SLCO1A2: variants seen among roughly 807,000 people sequenced by gnomAD.
The protein encoded by SLCO1A2 is OATP-1.
SLCO1A2 carries 67 observed loss-of-function variants against 69.0 expected under a neutral mutation model. The observed-to-expected ratio is 0.97, with a 90% CI of 0.80 to 1.19. The LOEUF (loss-of-function observed/expected upper bound fraction) is 1.19. Among genes scored for constraint, SLCO1A2 ranks in the 50% most tolerant of loss-of-function variants. The pLI, the probability that SLCO1A2 is intolerant of heterozygous loss-of-function variation, is 0.00. For missense variants in SLCO1A2, 787 were observed against 793.7 expected (o/e 0.99, Z 0.10); for synonymous variants, 260 against 265.9 (o/e 0.98, Z 0.22).
intron 1 of SLCO1A2, among the ~76,000 whole-genome samples, chr12:21,413,556 G>A (rs890051050): frequency 2.0e-5 from 3 of 152,082 alleles, no homozygotes; most frequent in African/African-American, 7.2e-5. Flanking sequence ...CTGCATGACA[G>A]TCACACAGAC....
chr12:21,295,609 G>A lies in SLCO1A2; in HGVS notation c.1259C>T (p.Thr420Ile). 6.4e-7 allele frequency: 1 copy of A among 1,572,380 alleles called. No individual in the cohort carries two copies. Among genetic ancestry groups the A allele is most frequent in the Non-Finnish European group, 8.7e-7 (1 of 1,143,138 alleles). The change falls in exon 10 of 15, where the codon ACC becomes ATC. Residue 420 changes from threonine (T) to isoleucine (I), a missense_variant. Physicochemically the swap from Thr to Ile is moderately conservative, Grantham distance 89. Transcript: ENST00000683939. ...CENSSVVGIN[T>I]SYEGIPQDLY... ...GAAAACAACATACCCTTCATAAGAG[G>A]TATTTATTCCAACAACTGAAGAATT...
At chr12:21,405,118 G>A (rs1941801899) in intron 1 of SLCO1A2, among the ~76,000 whole-genome samples, 1 of 151,136 alleles carries the variant, frequency 6.6e-6, no homozygotes, top group South Asian at 2.1e-4. Flanking sequence ...GTAGAGTCTG[G>A]ATATTAGACC....
At chr12:21,354,976 G>A in intron 2 of SLCO1A2, 1 of 151,980 alleles carries the variant, frequency 6.6e-6, no homozygotes. Context: ...CACATCTCCA[G>A]GTCAGACCTA....
At position 21,395,167 on chromosome 12, in the gene SLCO1A2, C is replaced by T. The variant is rs545694148; in HGVS notation, c.-451G>A. On this transcript the variant is annotated 5_prime_UTR_variant, in exon 1 of 16. Coordinates refer to the SLCO1A2 transcript ENST00000307378. ...ATGGGCGCAGGTCAGTGGGTGCGCG[C>T]ACCGTGCGCAAGCCAAAGCAGGGTG... 219 of 154,898 alleles carry T rather than the reference C, an allele frequency of 1.4e-3. 1 individual carries two copies. Among genetic ancestry groups the T allele is most frequent in the Non-Finnish European group, 2.7e-3 (189 of 70,312 alleles). 9.6% of individuals were successfully genotyped at this position (154,898 alleles called of 1,614,324 possible).
At chr12:21,409,773 G>A (rs1178698059) in intron 1 of SLCO1A2, among the ~76,000 whole-genome samples, 1 of 152,148 alleles carries the variant, frequency 6.6e-6, no homozygotes, top group African/African-American at 2.4e-5. Flanking sequence ...TGAGCTGTAT[G>A]GTACACAGTC....
intron 2 of SLCO1A2, among the ~76,000 whole-genome samples, chr12:21,366,471 C>G (rs2045942): frequency 1.3e-5 from 2 of 151,632 alleles, no homozygotes; most frequent in Non-Finnish European, 2.9e-5. Flanking sequence ...GTGCAGCACA[C>G]CAACATGGCG....
At chr12:21,387,107 A>C (rs989238090) in intron 1 of SLCO1A2, among the ~76,000 whole-genome samples, 8 of 152,120 alleles carry the variant, frequency 5.3e-5, no homozygotes, top group Non-Finnish European at 1.2e-4. Flanking sequence ...AACTTGAGAG[A>C]GATGATTTAG....
chr12:21,275,076 C>G, intron 13 of SLCO1A2: 2 of 1,030,886 alleles, frequency 1.9e-6, no homozygotes, highest in Non-Finnish European at 2.3e-6. Flanking sequence ...ATAATATTAC[C>G]TTGTTTATCT....
intron 1 of SLCO1A2, among the ~76,000 whole-genome samples, chr12:21,390,753 ATCT>A (rs1473956488): frequency 6.6e-6 from 1 of 152,166 alleles, no homozygotes; most frequent in Non-Finnish European, 1.5e-5. Context: ...AGATATCTAA[ATCT>A]TCTTTTGCTG....
intron 2 of SLCO1A2, chr12:21,373,588 C>A: frequency 1.4e-6 from 1 of 705,484 alleles, no homozygotes; most frequent in Non-Finnish European, 2.6e-6. Flanking sequence ...ATTCTGTGTT[C>A]TTTAAAGAAT....
intron 14 of SLCO1A2, among the ~76,000 whole-genome samples, chr12:21,270,871 C>T (rs1253081759): frequency 1.3e-5 from 2 of 151,636 alleles, no homozygotes; most frequent in Non-Finnish European, 3.0e-5. Flanking sequence ...TGCCTTTCCA[C>T]AGTATTGTTA....
chr12:21,328,804 C>A (rs1358347713), intron 2 of SLCO1A2, among the ~76,000 whole-genome samples: 1 of 152,112 alleles, frequency 6.6e-6, no homozygotes, highest in Non-Finnish European at 1.5e-5. Flanking sequence ...GAGGCCAGTG[C>A]CACTCCAGGA....
intron 2 of SLCO1A2, among the ~76,000 whole-genome samples, chr12:21,326,160 A>G (rs1191928412): frequency 6.6e-6 from 1 of 152,178 alleles, no homozygotes; most frequent in African/African-American, 2.4e-5. Context: ...GCCACCATGT[A>G]AGACATGCCT....
chr12:21,390,788 C>T lies in SLCO1A2; in HGVS notation c.-190+4118G>A, dbSNP rs147910804. ...GCTGAATCCTAAAAAGATTAGATAT[C>T]CACATAGCATATAAAAAAATGAGAT... On this transcript the variant is annotated intron_variant, in intron 1 of 15. Coordinates refer to the SLCO1A2 transcript ENST00000307378. Among the ~76,000 whole-genome samples the T allele has an allele frequency of 9.3e-3, 1,417 of 152,192 alleles. 15 individuals are homozygous for T. The highest frequency in any genetic ancestry group is 0.071 in the Middle Eastern group (21 of 294).
chr12:21,411,166 A>T (rs1941900640), intron 1 of SLCO1A2, among the ~76,000 whole-genome samples: 1 of 152,192 alleles, frequency 6.6e-6, no homozygotes, highest in South Asian at 2.1e-4. Flanking sequence ...CTTGTAGCCA[A>T]TGTTTATTTG....
chr12:21,277,937 T>C lies in SLCO1A2; in HGVS notation c.1611-2513A>G, dbSNP rs913122604. Reference sequence around the variant, plus strand: ...CCAGGGGTAGAGCACCAAGCATGTTTTTGCAGTTCCAGATTCTGGGCCTTG... The same window carrying C: ...CCAGGGGTAGAGCACCAAGCATGTTCTTGCAGTTCCAGATTCTGGGCCTTG... On this transcript the variant is annotated intron_variant, in intron 12 of 14. Transcript: ENST00000683939. Among the ~76,000 whole-genome samples, 3 of 152,144 alleles carry C rather than the reference T, an allele frequency of 2.0e-5. No individual in the cohort carries two copies. The East Asian group carries it at 5.8e-4, about 29-fold the overall frequency.
intron 12 of SLCO1A2, among the ~76,000 whole-genome samples, chr12:21,289,606 C>T (rs1441751677): frequency 6.6e-6 from 1 of 152,100 alleles, no homozygotes; most frequent in Non-Finnish European, 1.5e-5. Flanking sequence ...CCCAACTCCA[C>T]CCTGGTTTCC....
At position 21,269,670 on chromosome 12, in the gene SLCO1A2, C is replaced by T; in HGVS notation, c.1891G>A (p.Glu631Lys). Reference sequence around the variant, plus strand: ...AGCTCTGTTCCTGAAGAGGCATTTTCACCAGGTAGATGACACTTCCTCAAA... The same window carrying T: ...AGCTCTGTTCCTGAAGAGGCATTTTTACCAGGTAGATGACACTTCCTCAAA... ...ILLRKCHLPG[E>K]NASSGTELIE... Residue 631 changes from glutamate (E) to lysine (K), a missense_variant, in exon 15 of 15, where the codon GAA becomes AAA. Coordinates refer to ENST00000683939, the MANE Select transcript of SLCO1A2 (RefSeq NM_001386879.1). 6.2e-7 allele frequency: 1 copy of T among 1,612,716 alleles called. No individual in the cohort carries two copies. The highest frequency in any genetic ancestry group is 8.5e-7 in the Non-Finnish European group (1 of 1,179,094).
chr12:21,306,058 T>C (rs966500259), intron 5 of SLCO1A2, among the ~76,000 whole-genome samples: 2 of 152,118 alleles, frequency 1.3e-5, no homozygotes, highest in Non-Finnish European at 2.9e-5. Flanking sequence ...TTTAAAGCAC[T>C]ATCTCCAGTA....
Sources: gnomAD v4.1 joint callset for allele counts (sites outside exome capture counted in the v4.1 genomes callset) on GRCh38, gnomAD v4.1.1 for gene constraint, MANE v1.5 for transcripts, NCBI Gene and HGNC (gene_info 2026-07-23, HGNC 2026-07-21) for gene names.